PLAAT3: variants seen among roughly 807,000 people sequenced by gnomAD.
The protein encoded by PLAAT3 is phospholipase A and acyltransferase 3, also known as Ca-independent phospholipase A1/2.
PLAAT3 carries 21 observed loss-of-function variants against 16.7 expected under a neutral mutation model. The ratio of observed to expected loss-of-function variants is 1.26; its 90% confidence interval spans 0.89 to 1.81. The LOEUF (loss-of-function observed/expected upper bound fraction) is 1.81, where lower values mean the gene tolerates loss of function less well. Ranked by LOEUF, PLAAT3 falls within the 40% of genes most tolerant of loss-of-function variation. PLAAT3 has a pLI of 0.00. For synonymous variants in PLAAT3, 76 were observed against 81.7 expected (o/e 0.93, Z 0.38); for missense variants, 219 against 213.7 (o/e 1.02, Z -0.16).
intron 2 of PLAAT3, among the ~76,000 whole-genome samples, chr11:63,605,082 C>T (rs1451802885): frequency 4.6e-5 from 7 of 152,020 alleles, no homozygotes; most frequent in Admixed American, 2.6e-4. Flanking sequence ...AACATTTTAT[C>T]ACGAAAAATT....
intron 2 of PLAAT3, chr11:63,598,684 A>T: frequency 1.9e-6 from 1 of 518,364 alleles, no homozygotes; most frequent in Non-Finnish European, 3.9e-6. Flanking sequence ...ACCACCAGTT[A>T]TGTGACTAGA....
intron 2 of PLAAT3, among the ~76,000 whole-genome samples, chr11:63,610,202 G>A (rs1237362005): frequency 6.6e-6 from 1 of 152,106 alleles, no homozygotes; most frequent in African/African-American, 2.4e-5. Flanking sequence ...CCGCACTCTC[G>A]GCCTGAAATG....
Position 63,595,932 on chromosome 11 carries a change from C to T in PLAAT3, c.118+2129G>A, listed in dbSNP as rs746908884. Among the ~76,000 whole-genome samples, 121 of 152,208 alleles carry T rather than the reference C, an allele frequency of 7.9e-4. 1 individual carries two copies. Among genetic ancestry groups the T allele is most frequent in the Non-Finnish European group, 5.9e-4 (40 of 68,006 alleles). The stretch of plus-strand genomic sequence containing the variant: ...CAAACACCTGCACTCTTCCCAGGAG[C>T]TTTACGCTTAAGAGTTGAGTGTGTT... On this transcript the variant is annotated intron_variant, in intron 3 of 4. Coordinates refer to ENST00000415826, the MANE Select transcript of PLAAT3 (RefSeq NM_001128203.2).
upstream of PLAAT3, among the ~76,000 whole-genome samples, chr11:63,615,362 G>A (rs1444190287): frequency 9.9e-6 from 1 of 100,786 alleles, no homozygotes; most frequent in African/African-American, 3.3e-5. Context: ...ATATATATGT[G>A]TGCATATATA....
rs370590744 is a variant in PLAAT3, at chr11:63,590,115, G to A, written c.372C>T (p.Val124=). 87 of 1,613,724 alleles carry A rather than the reference G, an allele frequency of 5.4e-5. No homozygotes were observed. Among genetic ancestry groups the A allele is most frequent in the Middle Eastern group, 1.7e-4 (1 of 6,020 alleles). Residue 124 remains valine, a synonymous_variant, in exon 4 of 5, where the codon GTC becomes GTT. Transcript: ENST00000415826. ...GAGGACGCACCTGGTCACTGCGGGC[G>A]ACTCCATAGCGCAGCTCATTCACAA... ...EHFVNELRYG[V]ARSDQVRDVI...
chr11:63,599,890 G>A (rs1302241070), intron 2 of PLAAT3, among the ~76,000 whole-genome samples: 3 of 152,164 alleles, frequency 2.0e-5, no homozygotes, highest in Non-Finnish European at 4.4e-5. Flanking sequence ...AGACCATGTT[G>A]AGTAATAAGC....
intron 4 of PLAAT3, among the ~76,000 whole-genome samples, 159 bp downstream of exon 4, chr11:63,589,941 A>G (rs1252773605): frequency 2.2e-5 from 1 of 46,406 alleles, no homozygotes; most frequent in Non-Finnish European, 3.6e-5. Context: ...CTCTCTCCCC[A>G]CCCTTGTCCC....
intron 4 of PLAAT3, among the ~76,000 whole-genome samples, chr11:63,575,981 C>A (rs1379793190): frequency 6.6e-6 from 1 of 152,122 alleles, no homozygotes; most frequent in Non-Finnish European, 1.5e-5. Context: ...GGCCTAGAAA[C>A]CTAGAAGCAC....
At chr11:63,580,047 T>G (rs1164657181) in intron 4 of PLAAT3, among the ~76,000 whole-genome samples, 1 of 152,016 alleles carries the variant, frequency 6.6e-6, no homozygotes, top group Non-Finnish European at 1.5e-5. Flanking sequence ...CCATGCATCC[T>G]CTTACAGAAA....
At chr11:63,603,375 G>A (rs916824063) in intron 2 of PLAAT3, among the ~76,000 whole-genome samples, 3 of 152,080 alleles carry the variant, frequency 2.0e-5, no homozygotes, top group East Asian at 1.9e-4. Flanking sequence ...CTGCACCCAC[G>A]GGATTTCAGA....
chr11:63,609,900 G>C (rs1244860322), intron 2 of PLAAT3, among the ~76,000 whole-genome samples: 1 of 152,160 alleles, frequency 6.6e-6, no homozygotes, highest in Non-Finnish European at 1.5e-5. Context: ...CTTCTGGTGA[G>C]TCAGAACTGC....
chr11:63,587,425 T>G, intron 4 of PLAAT3, among the ~76,000 whole-genome samples: 1 of 151,084 alleles, frequency 6.6e-6, no homozygotes, highest in East Asian at 1.9e-4. Context: ...GCCTTCAAAA[T>G]TCTGAAAAAA....
intron 4 of PLAAT3, among the ~76,000 whole-genome samples, chr11:63,586,325 G>C (rs934668874): frequency 1.3e-5 from 2 of 152,118 alleles, no homozygotes; most frequent in African/African-American, 4.8e-5. Flanking sequence ...GTAGAGACGG[G>C]GTTTCACCAT....
At chr11:63,585,182 G>T (rs895244411) in intron 4 of PLAAT3, among the ~76,000 whole-genome samples, 5 of 151,904 alleles carry the variant, frequency 3.3e-5, no homozygotes, top group Non-Finnish European at 5.9e-5. Flanking sequence ...ACACCACCAC[G>T]CCCAGCTAAT....
At chr11:63,584,806 G>A (rs1234982654) in intron 4 of PLAAT3, among the ~76,000 whole-genome samples, 1 of 151,978 alleles carries the variant, frequency 6.6e-6, no homozygotes, top group Admixed American at 6.6e-5. Context: ...CACCGCACCT[G>A]GCCATAAATA....
chr11:63,606,128 T>C (rs1170403679), intron 2 of PLAAT3, among the ~76,000 whole-genome samples: 2 of 152,106 alleles, frequency 1.3e-5, no homozygotes, highest in Non-Finnish European at 2.9e-5. Flanking sequence ...ACGACACCCC[T>C]GGAGAACCCC....
intron 2 of PLAAT3, among the ~76,000 whole-genome samples, chr11:63,613,435 T>TAA (rs1174877892): frequency 2.8e-5 from 4 of 143,082 alleles, no homozygotes; most frequent in Non-Finnish European, 6.2e-5. Context: ...AAAATAAAAA[T>TAA]AAATAAATAA....
chr11:63,583,190 C>G (rs1937872123), intron 4 of PLAAT3, among the ~76,000 whole-genome samples: 1 of 152,084 alleles, frequency 6.6e-6, no homozygotes, highest in South Asian at 2.1e-4. Flanking sequence ...GATGGAGCTA[C>G]CAACCTGAGG....
chr11:63,581,831 C>A (rs950073518), intron 4 of PLAAT3, among the ~76,000 whole-genome samples: 4 of 152,074 alleles, frequency 2.6e-5, no homozygotes, highest in Non-Finnish European at 4.4e-5. Context: ...CTCAGCCTGG[C>A]CAACACTTAC....
Sources: gnomAD v4.1 joint callset for allele counts (sites outside exome capture counted in the v4.1 genomes callset) on GRCh38, gnomAD v4.1.1 for gene constraint, MANE v1.5 for transcripts, NCBI Gene and HGNC (gene_info 2026-07-23, HGNC 2026-07-21) for gene names.